Variants in RBMS3 observed in about 807,000 individuals in gnomAD.
The protein encoded by RBMS3 is RNA-binding motif, single-stranded-interacting protein 3.
RBMS3 carries 27 observed loss-of-function variants against 66.8 expected under a neutral mutation model. That is an observed-to-expected ratio of 0.40 (90% CI 0.30 to 0.56). The LOEUF (loss-of-function observed/expected upper bound fraction) is 0.56. Ranked by LOEUF, RBMS3 falls within the 20% of genes least tolerant of loss-of-function variation. The pLI is 0.40. For missense variants in RBMS3, 513 were observed against 549.5 expected (o/e 0.93, Z 0.66); for synonymous variants, 188 against 183.0 (o/e 1.03, Z -0.22).
In RBMS3 at chr3:29,884,471, C is replaced by CTCTCTCTCTCTCT. The variant is rs1553692504; in HGVS notation, c.791+263_791+264insTCTCTCTCTCTCT. Among the ~76,000 whole-genome samples, 6 of 38,970 alleles carry CTCTCTCTCTCTCT rather than the reference C, an allele frequency of 1.5e-4. 1 individual carries two copies. Among genetic ancestry groups the CTCTCTCTCTCTCT allele is most frequent in the Admixed American group, 6.2e-4 (2 of 3,204 alleles). 25.6% of individuals were successfully genotyped at this position (38,970 alleles called of 152,430 possible). ...CTCTCTCTCTCTCTCTCTCTCTCTC[C>CTCTCTCTCTCTCT]CCCCCCGCTCCCTCCCTCCCTCCCT... is the stretch of plus-strand genomic sequence containing the variant. On this transcript the variant is annotated intron_variant, in intron 8 of 14. Transcript: ENST00000383767.
At chr3:29,759,124 A>G (rs778281211) in intron 5 of RBMS3, among the ~76,000 whole-genome samples, 1 of 152,092 alleles carries the variant, frequency 6.6e-6, no homozygotes, top group Non-Finnish European at 1.5e-5. Flanking sequence ...AGAACATTCT[A>G]CTAATATTGG....
chr3:29,320,373 G>A (rs1039492554), intron 1 of RBMS3, among the ~76,000 whole-genome samples: 5 of 151,890 alleles, frequency 3.3e-5, no homozygotes, highest in African/African-American at 1.2e-4. Context: ...CATGAAAAAT[G>A]TTTTCTCCAA....
chr3:29,661,426 C>T (rs1576462040), intron 4 of RBMS3, among the ~76,000 whole-genome samples: 1 of 152,052 alleles, frequency 6.6e-6, no homozygotes, highest in Non-Finnish European at 1.5e-5. Context: ...AATAACTAGC[C>T]TTTAAGTTTG....
chr3:29,333,947 T>C (rs1349488003), intron 1 of RBMS3, among the ~76,000 whole-genome samples: 2 of 152,176 alleles, frequency 1.3e-5, no homozygotes, highest in Non-Finnish European at 2.9e-5. Context: ...GCTCAGTACT[T>C]CCATAATTAG....
At chr3:29,392,728 C>T (rs543574747) in intron 1 of RBMS3, among the ~76,000 whole-genome samples, 30 of 152,222 alleles carry the variant, frequency 2.0e-4, no homozygotes, top group Non-Finnish European at 3.8e-4. Context: ...TACACACAGA[C>T]ACACAAACAC....
intron 6 of RBMS3, among the ~76,000 whole-genome samples, chr3:29,806,327 C>A (rs2057546776): frequency 6.6e-6 from 1 of 151,972 alleles, no homozygotes; most frequent in African/African-American, 2.4e-5. Context: ...CAAAATGCTT[C>A]AGCTATGAGC....
chr3:29,925,561 T>C (rs938551650), intron 10 of RBMS3, among the ~76,000 whole-genome samples: 1 of 152,180 alleles, frequency 6.6e-6, no homozygotes, highest in Non-Finnish European at 1.5e-5. Context: ...ACTAATATTA[T>C]TCCAAGCTAT....
intron 5 of RBMS3, among the ~76,000 whole-genome samples, chr3:29,740,433 T>C (rs549364671): frequency 6.6e-6 from 1 of 152,126 alleles, no homozygotes; most frequent in Non-Finnish European, 1.5e-5. Context: ...TTTGATATTT[T>C]AGGCAGAACA....
intron 4 of RBMS3, among the ~76,000 whole-genome samples, chr3:29,650,712 A>C (rs533624931): frequency 6.6e-6 from 1 of 152,336 alleles, no homozygotes; most frequent in African/African-American, 2.4e-5. Flanking sequence ...TAGATAAAGC[A>C]ATTTAATTAC....
At chr3:29,740,053 A>G (rs1320271213) in intron 5 of RBMS3, 176 bp downstream of exon 5, 8 of 470,094 alleles carry the variant, frequency 1.7e-5, no homozygotes, top group African/African-American at 5.9e-5. Context: ...AATAATTTCA[A>G]TGTAATTATA....
intron 4 of RBMS3, among the ~76,000 whole-genome samples, chr3:29,721,325 A>T (rs2053634077): frequency 6.6e-6 from 1 of 152,152 alleles, no homozygotes; most frequent in South Asian, 2.1e-4. Flanking sequence ...TTTATATAAG[A>T]TATATATGAT....
chr3:29,463,896 A>G (rs1443216877), intron 2 of RBMS3, among the ~76,000 whole-genome samples: 2 of 152,128 alleles, frequency 1.3e-5, no homozygotes, highest in Non-Finnish European at 2.9e-5. Context: ...TGCCTTTTCT[A>G]TTCCTGGATA....
intron 6 of RBMS3, among the ~76,000 whole-genome samples, chr3:29,780,419 C>T (rs1024159873): frequency 2.0e-5 from 3 of 151,542 alleles, no homozygotes; most frequent in Non-Finnish European, 1.5e-5. Flanking sequence ...TCATGCTTTC[C>T]CTTGATTGCT....
intron 2 of RBMS3, among the ~76,000 whole-genome samples, chr3:29,481,578 G>A (rs6786602): frequency 4.0e-4 from 61 of 152,184 alleles, no homozygotes; most frequent in African/African-American, 1.4e-3. Flanking sequence ...AAGATTAGGA[G>A]GGACAAGCAT....
At chr3:29,562,737 T>C (rs2046600718) in intron 3 of RBMS3, among the ~76,000 whole-genome samples, 1 of 152,202 alleles carries the variant, frequency 6.6e-6, no homozygotes, top group Non-Finnish European at 1.5e-5. Flanking sequence ...CATAGATTGC[T>C]CCTTGTGCAT....
rs368561990 is a variant in RBMS3, at chr3:29,669,501, G to A, written c.400-70219G>A. Reference sequence around the variant, plus strand: ...CAGCCCTAGATTCATTGTACCACACGGTTTTTAAGTCTCATTAAAATAAAA... The same window carrying A: ...CAGCCCTAGATTCATTGTACCACACAGTTTTTAAGTCTCATTAAAATAAAA... On this transcript the variant is annotated intron_variant, in intron 4 of 14. Coordinates refer to ENST00000383767, the MANE Select transcript of RBMS3 (RefSeq NM_001003793.3). 2.7e-4 allele frequency among the ~76,000 whole-genome samples: 41 copies of A among 152,154 alleles called. No homozygotes were observed. The East Asian group carries it at 6.0e-3, about 22-fold the overall frequency.
intron 2 of RBMS3, among the ~76,000 whole-genome samples, chr3:29,460,563 C>T (rs2042339183): frequency 6.6e-6 from 1 of 152,118 alleles, no homozygotes; most frequent in African/African-American, 2.4e-5. Context: ...CTATAGAGTC[C>T]ACTCTGAGCA....
At chr3:29,606,021 T>C (rs1236120835) in intron 4 of RBMS3, among the ~76,000 whole-genome samples, 1 of 151,482 alleles carries the variant, frequency 6.6e-6, no homozygotes, top group African/African-American at 2.4e-5. Context: ...TTATGAGTTA[T>C]ACCATCCTAG....
chr3:29,436,728 G>T (rs1489793164), intron 2 of RBMS3, among the ~76,000 whole-genome samples: 1 of 152,184 alleles, frequency 6.6e-6, no homozygotes. Flanking sequence ...CTTTCTTACT[G>T]GTCTTTACCA....
Sources: gnomAD v4.1 joint callset for allele counts (sites outside exome capture counted in the v4.1 genomes callset) on GRCh38, gnomAD v4.1.1 for gene constraint, MANE v1.5 for transcripts, NCBI Gene and HGNC (gene_info 2026-07-23, HGNC 2026-07-21) for gene names.